BCKDHB: variants seen among roughly 807,000 people sequenced by gnomAD.
BCKDHB encodes branched chain keto acid dehydrogenase E1 subunit beta, also known as 2-oxoisovalerate dehydrogenase subunit beta, mitochondrial.
BCKDHB carries 41 observed loss-of-function variants against 48.5 expected under a neutral mutation model. The ratio of observed to expected loss-of-function variants is 0.85; its 90% CI spans 0.66 to 1.10. BCKDHB has a LOEUF of 1.10. BCKDHB is among the 50% of genes least tolerant of loss of function. BCKDHB has a pLI of 0.00. For synonymous variants in BCKDHB, 201 were observed against 174.8 expected (o/e 1.15, Z -1.18); for missense variants, 496 against 494.2 (o/e 1.00, Z -0.03).
the BCKDHB span, among the ~76,000 whole-genome samples, chr6:80,394,856 T>C: frequency 1.3e-5 from 2 of 152,142 alleles, no homozygotes. Flanking sequence ...TGGGAGGTAA[T>C]TGAATTATGG....
chr6:80,418,198 A>G, the BCKDHB span, among the ~76,000 whole-genome samples: 1 of 152,146 alleles, frequency 6.6e-6, no homozygotes, highest in South Asian at 2.1e-4. Context: ...TTGTTTTACC[A>G]TGATTTTTAG....
intron 1 of BCKDHB, among the ~76,000 whole-genome samples, chr6:80,119,542 A>G (rs187205566): frequency 6.6e-6 from 1 of 152,214 alleles, no homozygotes; most frequent in East Asian, 1.9e-4. Context: ...GCTGGTCTCG[A>G]ACTCCTGGCC....
At chr6:80,238,415 C>G (rs1256418683) in intron 8 of BCKDHB, among the ~76,000 whole-genome samples, 1 of 152,054 alleles carries the variant, frequency 6.6e-6, no homozygotes, top group African/African-American at 2.4e-5. Flanking sequence ...TTAAATTATT[C>G]AGTAAACAAC....
At chr6:80,145,422 C>A (rs1471632828) in intron 3 of BCKDHB, among the ~76,000 whole-genome samples, 1 of 152,184 alleles carries the variant, frequency 6.6e-6, no homozygotes, top group Non-Finnish European at 1.5e-5. Context: ...CCCCAAACCA[C>A]CTCATCCATA....
chr6:80,210,963 G>A, intron 8 of BCKDHB, among the ~76,000 whole-genome samples: 1 of 152,172 alleles, frequency 6.6e-6, no homozygotes, highest in East Asian at 1.9e-4. Context: ...AGCTGTTGAG[G>A]TGCTGTCAAG....
chr6:80,298,846 G>T (rs967521776), intron 9 of BCKDHB, among the ~76,000 whole-genome samples: 4 of 152,186 alleles, frequency 2.6e-5, no homozygotes, highest in African/African-American at 9.7e-5. Context: ...AGTTCAGTCT[G>T]CTGTTTGTTG....
chr6:80,331,091 G>A (rs111817097), intron 9 of BCKDHB, among the ~76,000 whole-genome samples: 1,598 of 152,212 alleles, frequency 0.01, 21 homozygotes, highest in African/African-American at 0.036. Flanking sequence ...GAATATTAGC[G>A]TTTGTAGCTC....
chr6:80,348,015 T>C (rs9352822), downstream of BCKDHB, among the ~76,000 whole-genome samples: 102,058 of 151,722 alleles, frequency 0.67, 34,498 homozygotes, highest in South Asian at 0.81. Flanking sequence ...ATTTAATTTC[T>C]GTGGTTTAAT....
chr6:80,358,462 T>A, the BCKDHB span, among the ~76,000 whole-genome samples: 3 of 152,214 alleles, frequency 2.0e-5, no homozygotes, highest in African/African-American at 7.2e-5. Flanking sequence ...ATGGTGATTG[T>A]CGATTGTTTT....
At chr6:80,185,217 T>C (rs1355318363) in intron 6 of BCKDHB, among the ~76,000 whole-genome samples, 1 of 152,188 alleles carries the variant, frequency 6.6e-6, no homozygotes, top group Non-Finnish European at 1.5e-5. Flanking sequence ...GTTGAAACTT[T>C]GCAGTGTATT....
At chr6:80,369,732 A>G in the BCKDHB span, among the ~76,000 whole-genome samples, 3 of 152,198 alleles carry the variant, frequency 2.0e-5, no homozygotes, top group Non-Finnish European at 2.9e-5. Flanking sequence ...AGAAATGCCA[A>G]AATAACCTGT....
At chr6:80,201,213 A>G (rs765942181) in intron 7 of BCKDHB, among the ~76,000 whole-genome samples, 182 bp downstream of exon 7, 6 of 152,210 alleles carry the variant, frequency 3.9e-5, no homozygotes, top group Non-Finnish European at 7.3e-5. Flanking sequence ...AAATGAAATT[A>G]TATATCTTCA....
chr6:80,145,193 T>C (rs575278509), intron 3 of BCKDHB, among the ~76,000 whole-genome samples: 1 of 152,188 alleles, frequency 6.6e-6, no homozygotes, highest in Non-Finnish European at 1.5e-5. Context: ...ACTCTATCTT[T>C]CTGTTGTGAA....
chr6:80,465,153 C>T, the BCKDHB span, among the ~76,000 whole-genome samples: 1 of 152,120 alleles, frequency 6.6e-6, no homozygotes, highest in African/African-American at 2.4e-5. Flanking sequence ...GTGGCATTTC[C>T]CCAAATGTAG....
chr6:80,329,750 G>C (rs560662658), intron 9 of BCKDHB, among the ~76,000 whole-genome samples: 11 of 152,228 alleles, frequency 7.2e-5, no homozygotes, highest in Admixed American at 6.5e-4. Context: ...GTTCTTTGCA[G>C]ATCTGGTTTC....
At chr6:80,331,182 C>CGGCAACCCACCCAGTTGAGAGA (rs1318861469) in intron 9 of BCKDHB, among the ~76,000 whole-genome samples, 64 of 152,154 alleles carry the variant, frequency 4.2e-4, no homozygotes, top group African/African-American at 1.3e-3. Flanking sequence ...CTTAAGCATC[C>CGGCAACCCACCCAGTTGAGAGA]GGCAACCCAC....
intron 1 of BCKDHB, among the ~76,000 whole-genome samples, chr6:80,107,497 A>ATGTG (rs1270433156): frequency 1.5e-5 from 2 of 131,624 alleles, no homozygotes; most frequent in East Asian, 4.2e-4. Context: ...GCGCATATAT[A>ATGTG]TGCATATATA....
chr6:80,272,166 A>T (rs1447718008), intron 8 of BCKDHB, among the ~76,000 whole-genome samples: 1 of 152,184 alleles, frequency 6.6e-6, no homozygotes, highest in Non-Finnish European at 1.5e-5. Flanking sequence ...TACTGGCTAT[A>T]TCTGAGAGTT....
At chr6:80,176,510 C>T (rs1384424562) in intron 6 of BCKDHB, among the ~76,000 whole-genome samples, 1 of 152,088 alleles carries the variant, frequency 6.6e-6, no homozygotes, top group Non-Finnish European at 1.5e-5. Flanking sequence ...TAGGTAGAGA[C>T]TTTGCTAGGA....
Sources: gnomAD v4.1 joint callset for allele counts (sites outside exome capture counted in the v4.1 genomes callset) on GRCh38, gnomAD v4.1.1 for gene constraint, MANE v1.5 for transcripts, NCBI Gene and HGNC (gene_info 2026-07-23, HGNC 2026-07-21) for gene names.